The following MYO5A variants were observed in gnomAD, a reference collection of about 807,000 sequenced individuals.
The protein encoded by MYO5A is myosin VA.
Under a neutral mutation model 249.7 loss-of-function variants are expected in MYO5A, and 98 were observed. That is an observed-to-expected ratio of 0.39 (90% CI 0.33 to 0.46). The LOEUF (loss-of-function observed/expected upper bound fraction) is 0.46. Among genes scored for constraint, MYO5A ranks in the 20% least tolerant of loss-of-function variants. The pLI is 0.98. For missense variants in MYO5A, 1,696 were observed against 2,308.8 expected (o/e 0.73, Z 5.44); for synonymous variants, 778 against 810.6 (o/e 0.96, Z 0.68).
At chr15:52,340,025 C>T (rs1304014798) in intron 32 of MYO5A, among the ~76,000 whole-genome samples, 171 bp downstream of exon 32, 1 of 152,178 alleles carries the variant, frequency 6.6e-6, no homozygotes, top group Non-Finnish European at 1.5e-5. Flanking sequence ...CTTCTTCCTT[C>T]CTACCAAAAT....
chr15:52,366,608 G>C (rs551138257), intron 23 of MYO5A, among the ~76,000 whole-genome samples: 4 of 61,128 alleles, frequency 6.5e-5, no homozygotes, highest in South Asian at 5.7e-4. Flanking sequence ...GTGAATCTTA[G>C]AATAACATCC....
chr15:52,399,583 T>G (rs1386966283), intron 9 of MYO5A, among the ~76,000 whole-genome samples: 3 of 152,218 alleles, frequency 2.0e-5, no homozygotes, highest in African/African-American at 7.2e-5. Context: ...TCTAAACTTT[T>G]TTTTTCAAAC....
At chr15:52,498,266 C>T (rs2141569928) in intron 1 of MYO5A, among the ~76,000 whole-genome samples, 1 of 152,262 alleles carries the variant, frequency 6.6e-6, no homozygotes, top group South Asian at 2.1e-4. Context: ...CACTTGGATA[C>T]ACTATTCCAC....
chr15:52,490,622 G>C (rs1007879340), intron 1 of MYO5A, among the ~76,000 whole-genome samples: 6 of 152,238 alleles, frequency 3.9e-5, no homozygotes, highest in South Asian at 2.1e-4. Context: ...CCAGGGACTA[G>C]AGGGAGTGGG....
intron 27 of MYO5A, among the ~76,000 whole-genome samples, chr15:52,353,296 T>C (rs981873732): frequency 6.6e-6 from 1 of 152,196 alleles, no homozygotes; most frequent in Non-Finnish European, 1.5e-5. Flanking sequence ...TTCCTACTCC[T>C]ATGTCTGGTC....
intron 36 of MYO5A, among the ~76,000 whole-genome samples, chr15:52,325,076 ACTCTGC>A (rs1014518271): frequency 7.4e-4 from 113 of 151,794 alleles, no homozygotes; most frequent in African/African-American, 2.6e-3. Flanking sequence ...ACTAAAAATA[ACTCTGC>A]CTCTTCCAAA....
intron 1 of MYO5A, among the ~76,000 whole-genome samples, chr15:52,482,855 A>C (rs891685705): frequency 4.7e-4 from 71 of 152,144 alleles, no homozygotes; most frequent in African/African-American, 1.7e-3. Flanking sequence ...CTGGACTACC[A>C]ACCTGCCCGT....
At chr15:52,445,914 A>T (rs1261649213) in intron 1 of MYO5A, among the ~76,000 whole-genome samples, 1 of 152,238 alleles carries the variant, frequency 6.6e-6, no homozygotes, top group Non-Finnish European at 1.5e-5. Flanking sequence ...TACAGGAGCA[A>T]AGAAGCGACT....
At position 52,372,246 on chromosome 15, in the gene MYO5A, T is replaced by C; in HGVS notation, c.2695A>G (p.Met899Val). ...IIYLQCCFRRMMAKRELKKLK... is the reference protein window; with the variant it reads ...IIYLQCCFRRVMAKRELKKLK... ...TTCTTTAGCTCACGCTTGGCCATCA[T>C]CCGCCTGAAGCAGCACTGAAGGTAG... Residue 899 changes from methionine (M) to valine (V), a missense_variant, in exon 21 of 42, where the codon ATG becomes GTG. By Grantham distance (21) the Met-to-Val change is conservative (BLOSUM62 1). Around this residue, in one of 5 missense-constraint regions of MYO5A, gnomAD observed 412 missense variants for 453.3 expected, o/e 0.91. Coordinates refer to ENST00000399233, the MANE Select transcript of MYO5A (RefSeq NM_001382347.1). 4 of 1,612,958 alleles carry C rather than the reference T, an allele frequency of 2.5e-6. No homozygotes were observed. Among genetic ancestry groups the C allele is most frequent in the Non-Finnish European group, 3.4e-6 (4 of 1,180,028 alleles).
At chr15:52,463,894 CTA>C (rs1300414297) in intron 1 of MYO5A, among the ~76,000 whole-genome samples, 2 of 152,196 alleles carry the variant, frequency 1.3e-5, no homozygotes, top group African/African-American at 4.8e-5. Context: ...CTTAATCATT[CTA>C]GTTTATTTTT....
At chr15:52,344,539 C>T (rs912924164) in intron 30 of MYO5A, among the ~76,000 whole-genome samples, 2 of 152,190 alleles carry the variant, frequency 1.3e-5, no homozygotes, top group Admixed American at 1.3e-4. Context: ...TTCAAAACGT[C>T]CCATTTCTGT....
At chr15:52,514,164 C>A (rs144745851) in intron 1 of MYO5A, among the ~76,000 whole-genome samples, 1 of 152,190 alleles carries the variant, frequency 6.6e-6, no homozygotes, top group Non-Finnish European at 1.5e-5. Context: ...TCCACTCATT[C>A]ATATGTTCAA....
chr15:52,519,610 T>TAAAA (rs757346309), intron 1 of MYO5A, among the ~76,000 whole-genome samples: 19 of 56,866 alleles, frequency 3.3e-4, no homozygotes, highest in African/African-American at 8.1e-4. Context: ...AGACCTTGTC[T>TAAAA]AAAAAAAATA....
At chr15:52,347,925 C>CATAAGTA (rs2039724678) in intron 29 of MYO5A, among the ~76,000 whole-genome samples, 1 of 152,130 alleles carries the variant, frequency 6.6e-6, no homozygotes, top group Non-Finnish European at 1.5e-5. Context: ...TTTTAAAACC[C>CATAAGTA]ATAAGTAATA....
intron 1 of MYO5A, among the ~76,000 whole-genome samples, chr15:52,492,971 C>A (rs116936110): frequency 6.6e-6 from 1 of 152,166 alleles, no homozygotes; most frequent in Admixed American, 6.5e-5. Flanking sequence ...TATGAGTCAA[C>A]AGAGCCTATA....
upstream of MYO5A, chr15:52,528,916 A>AGGGCAGGGCC (rs1488685073): frequency 1.1e-5 from 11 of 1,024,808 alleles, no homozygotes; most frequent in Admixed American, 2.0e-4. Context: ...GGAGCAGGGC[A>AGGGCAGGGCC]GGGCAGGGCC....
At position 52,403,695 on chromosome 15, in the gene MYO5A, C is replaced by T. The variant is rs116548999; in HGVS notation, c.1053+1592G>A. Among the ~76,000 whole-genome samples, 1,097 of 152,152 alleles carry T rather than the reference C, an allele frequency of 7.2e-3. 17 individuals carry two copies. Among genetic ancestry groups the T allele is most frequent in the African/African-American group, 0.025 (1,058 of 41,500 alleles). On this transcript the variant is annotated intron_variant, in intron 9 of 41. Coordinates refer to ENST00000399233, the MANE Select transcript of MYO5A (RefSeq NM_001382347.1). ...GTACACTTTAAATGAGTATGATATA[C>T]GAATTATATCTCAACAAAGCTCTTT...
chr15:52,528,714 A>G lies in MYO5A; in HGVS notation c.27+66T>C, dbSNP rs1027527604. On this transcript the variant is annotated intron_variant, in intron 1 of 41. Transcript: ENST00000399233. ...GGCCCGGCGCTCCCGCCCCCTCCCC[A>G]GCCTGACAGCTGGCGGCGAGGGCCG... is the stretch of plus-strand genomic sequence containing the variant. 1.1e-5 allele frequency: 16 copies of G among 1,475,012 alleles called. No homozygotes were observed. The South Asian group carries it at 2.1e-4, about 19-fold the overall frequency. 91.4% of individuals were successfully genotyped at this position (1,475,012 alleles called of 1,614,324 possible). A position where few individuals can be genotyped will look rare whatever the true frequency, so the allele number is the denominator to read the frequency against.
intron 1 of MYO5A, among the ~76,000 whole-genome samples, chr15:52,477,403 T>A (rs549242691): frequency 6.6e-6 from 1 of 152,230 alleles, no homozygotes; most frequent in Non-Finnish European, 1.5e-5. Context: ...TCTCAACTCG[T>A]CAAAGTCATT....
Sources: allele counts gnomAD v4.1 joint callset (sites outside exome capture counted in the v4.1 genomes callset), GRCh38; gene constraint gnomAD v4.1.1; regional missense constraint gnomAD v4.1.1; transcripts MANE v1.5; gene names NCBI Gene and HGNC (gene_info 2026-07-23, HGNC 2026-07-21).